The following RGS6 variants were observed in gnomAD, a reference collection of about 807,000 sequenced individuals.
RGS6 encodes regulator of G-protein signaling 6.
A neutral mutation model predicts 78.5 loss-of-function variants in RGS6; 30 were observed. That is an observed-to-expected ratio of 0.38 (90% CI 0.29 to 0.52). RGS6 has a LOEUF of 0.52. RGS6 is among the 20% of genes least tolerant of loss of function. RGS6 has a pLI of 0.85. For missense variants in RGS6, 495 were observed against 609.7 expected (o/e 0.81, Z 1.98); for synonymous variants, 206 against 206.0 (o/e 1.00, Z 0.00).
rs181626364 is a variant in RGS6, at chr14:72,393,134, T to G, written c.184+40940T>G. On this transcript the variant is annotated intron_variant, in intron 3 of 17. Coordinates refer to ENST00000553525, the MANE Select transcript of RGS6 (RefSeq NM_001204424.2). ...TCTGCTTAGATAGAAGGGATGTTTTTCTGCCTAGTCCTACCTGAGGATTTC... is the reference window on the plus strand; with the variant it reads ...TCTGCTTAGATAGAAGGGATGTTTTGCTGCCTAGTCCTACCTGAGGATTTC... Among the ~76,000 whole-genome samples, 21 of 152,324 alleles carry G rather than the reference T, an allele frequency of 1.4e-4. No individual in the cohort carries two copies. In the East Asian group the frequency reaches 3.1e-3, roughly 22 times the overall value.
At chr14:72,417,170 C>T (rs997923962) in intron 3 of RGS6, among the ~76,000 whole-genome samples, 1 of 152,214 alleles carries the variant, frequency 6.6e-6, no homozygotes, top group Non-Finnish European at 1.5e-5. Flanking sequence ...TTCAGCGCTC[C>T]CTGCCAGCTG....
the RGS6 span, among the ~76,000 whole-genome samples, chr14:71,890,385 A>AGAGAGG: frequency 1.1e-4 from 16 of 151,820 alleles, no homozygotes; most frequent in Non-Finnish European, 4.4e-5. Flanking sequence ...AGAGAGAGAG[A>AGAGAGG]GAGAGAGAAA....
intron 2 of RGS6, among the ~76,000 whole-genome samples, chr14:72,030,571 A>G (rs1170183602): frequency 1.4e-5 from 2 of 143,460 alleles, no homozygotes; most frequent in African/African-American, 5.4e-5. Context: ...CAAATTATAA[A>G]TTACTAGAAA....
At chr14:72,449,919 C>T (rs1370582506) in intron 3 of RGS6, among the ~76,000 whole-genome samples, 6 of 152,188 alleles carry the variant, frequency 3.9e-5, no homozygotes, top group Admixed American at 3.9e-4. Flanking sequence ...AGCCAGAGGC[C>T]GTCCAAAGTT....
At chr14:72,154,681 A>AT (rs2096745648) in intron 2 of RGS6, among the ~76,000 whole-genome samples, 1 of 152,346 alleles carries the variant, frequency 6.6e-6, no homozygotes, top group South Asian at 2.1e-4. Context: ...GCAAGTTTCC[A>AT]AATCGTCTCT....
intron 15 of RGS6, among the ~76,000 whole-genome samples, chr14:72,521,227 A>G (rs1000022501): frequency 2.0e-5 from 3 of 152,194 alleles, no homozygotes; most frequent in Admixed American, 6.5e-5. Flanking sequence ...AGGGCACTGG[A>G]TGATAGCATA....
chr14:72,089,047 C>A (rs1339186134), intron 2 of RGS6, among the ~76,000 whole-genome samples: 1 of 152,222 alleles, frequency 6.6e-6, no homozygotes, highest in Non-Finnish European at 1.5e-5. Context: ...ATCATCACTG[C>A]ATTTACCATT....
At chr14:72,375,478 C>A (rs758412099) in intron 3 of RGS6, among the ~76,000 whole-genome samples, 3 of 152,170 alleles carry the variant, frequency 2.0e-5, no homozygotes, top group Non-Finnish European at 4.4e-5. Context: ...GCTGGCTGAG[C>A]AGCTGTGCAC....
At chr14:71,919,817 A>G in the RGS6 span, among the ~76,000 whole-genome samples, 1 of 152,012 alleles carries the variant, frequency 6.6e-6, no homozygotes, top group East Asian at 1.9e-4. Context: ...AACATGGTGA[A>G]ACTCCATCTC....
chr14:72,405,808 G>T (rs2092871170), intron 3 of RGS6, among the ~76,000 whole-genome samples: 1 of 152,050 alleles, frequency 6.6e-6, no homozygotes, highest in Non-Finnish European at 1.5e-5. Flanking sequence ...TTTGGTGATG[G>T]GATTGAATTT....
At chr14:72,502,916 C>G (rs76685032) in intron 13 of RGS6, among the ~76,000 whole-genome samples, 7,766 of 152,250 alleles carry the variant, frequency 0.051, 526 homozygotes, top group African/African-American at 0.15. Flanking sequence ...GGATTATTTT[C>G]TTTTTAAGGA....
At chr14:72,618,533 C>T in the RGS6 span, among the ~76,000 whole-genome samples, 1 of 152,204 alleles carries the variant, frequency 6.6e-6, no homozygotes, top group Non-Finnish European at 1.5e-5. Flanking sequence ...GTCAAGGAAC[C>T]AGCCTGGCCT....
the RGS6 span, among the ~76,000 whole-genome samples, chr14:71,890,326 A>C: frequency 4.8e-5 from 7 of 146,430 alleles, no homozygotes; most frequent in Non-Finnish European, 7.5e-5. Flanking sequence ...TGGCTCTTAG[A>C]TAGTTTGCTG....
intron 14 of RGS6, among the ~76,000 whole-genome samples, chr14:72,513,079 C>A (rs1347849591): frequency 6.6e-6 from 1 of 152,236 alleles, no homozygotes; most frequent in African/African-American, 2.4e-5. Context: ...TGGAGCATGG[C>A]AGGAAAAAGC....
intron 3 of RGS6, among the ~76,000 whole-genome samples, chr14:72,413,665 T>C (rs985734050): frequency 1.3e-5 from 2 of 152,242 alleles, no homozygotes; most frequent in African/African-American, 4.8e-5. Context: ...CTAGCCTTGA[T>C]GGTCTTTACA....
chr14:71,879,045 C>A, the RGS6 span, among the ~76,000 whole-genome samples: 2 of 151,944 alleles, frequency 1.3e-5, no homozygotes, highest in African/African-American at 4.8e-5. Context: ...TTCTTCCCCC[C>A]ACAGCACCCT....
intron 1 of RGS6, among the ~76,000 whole-genome samples, chr14:71,958,070 A>G (rs1376844449): frequency 6.6e-6 from 1 of 152,096 alleles, no homozygotes; most frequent in Non-Finnish European, 1.5e-5. Context: ...TTAGCCTGTC[A>G]GGCAGCTGTG....
chr14:71,904,025 A>G, the RGS6 span, among the ~76,000 whole-genome samples: 1 of 152,226 alleles, frequency 6.6e-6, no homozygotes, highest in Non-Finnish European at 1.5e-5. Context: ...ATAGAACCCC[A>G]TGCTTATTAA....
intron 1 of RGS6, among the ~76,000 whole-genome samples, chr14:71,937,262 C>T (rs1202451434): frequency 6.6e-6 from 1 of 152,102 alleles, no homozygotes; most frequent in Non-Finnish European, 1.5e-5. Context: ...CGTTGTGTTT[C>T]CTGGTGGCAG....
Sources: allele counts gnomAD v4.1 joint callset (sites outside exome capture counted in the v4.1 genomes callset), GRCh38; gene constraint gnomAD v4.1.1; transcripts MANE v1.5; gene names NCBI Gene and HGNC (gene_info 2026-07-23, HGNC 2026-07-21).